KDM4A: variants seen among roughly 807,000 people sequenced by gnomAD.
The protein encoded by KDM4A is lysine-specific demethylase 4A.
KDM4A carries 23 observed loss-of-function variants against 127.1 expected under a neutral mutation model. That is an observed-to-expected ratio of 0.18 (90% CI 0.13 to 0.26). The LOEUF (loss-of-function observed/expected upper bound fraction) is 0.26. KDM4A is among the 10% of genes least tolerant of loss of function. The probability of loss-of-function intolerance (pLI) is 1.00; values close to 1 mark genes in which losing one functional copy is unlikely to be tolerated. For missense variants in KDM4A, 890 were observed against 1,329.1 expected (o/e 0.67, Z 5.14); for synonymous variants, 443 against 466.5 (o/e 0.95, Z 0.65).
At chr1:43,665,886 ACC>A (rs1660490951) in intron 6 of KDM4A, 141 bp downstream of exon 6, 1 of 777,134 alleles carries the variant, frequency 1.3e-6, no homozygotes, top group Admixed American at 2.1e-5. Context: ...CACACTGGTT[ACC>A]TTAAGAGGGC....
chr1:43,668,175 G>A (rs528928895), intron 9 of KDM4A, among the ~76,000 whole-genome samples, 156 bp downstream of exon 9: 3 of 152,250 alleles, frequency 2.0e-5, no homozygotes, highest in African/African-American at 4.8e-5. Context: ...GCCCAGGCTG[G>A]AGTGCAGTGG....
Position 43,694,864 on chromosome 1 carries a change from C to T in KDM4A, c.2640C>T (p.Thr880=), listed in dbSNP as rs1252283678. 1 of 1,601,906 alleles carries T rather than the reference C, an allele frequency of 6.2e-7. No individual in the cohort carries two copies. The highest frequency in any genetic ancestry group is 8.6e-7 in the Non-Finnish European group (1 of 1,169,572). Residue 880 remains threonine, a synonymous_variant, in exon 18 of 22, where the codon ACC becomes ACT. Coordinates refer to ENST00000372396, the MANE Select transcript of KDM4A (RefSeq NM_014663.3). The surrounding 1 kb of genome is among the most constrained non-coding windows in gnomAD (Gnocchi z 5.2). ...ACTGGCCTTTTGTGGTCTTCATTAC[C>T]TGCTTTCGGCACAAGATTCCTAATT... ...PDDWPFVVFI[T]CFRHKIPNLE...
At chr1:43,658,649 G>A (rs1003129179) in intron 3 of KDM4A, among the ~76,000 whole-genome samples, 4 of 150,976 alleles carry the variant, frequency 2.6e-5, no homozygotes, top group African/African-American at 4.9e-5. Context: ...GACTATAGGC[G>A]CCCGCCACAC....
intron 19 of KDM4A, among the ~76,000 whole-genome samples, chr1:43,701,211 G>A (rs1387645236): frequency 2.6e-5 from 4 of 152,060 alleles, no homozygotes; most frequent in Non-Finnish European, 4.4e-5. Flanking sequence ...GAGCCACCAC[G>A]CCCGGCCATA....
chr1:43,691,579 G>A lies in KDM4A; in HGVS notation c.2319+7G>A, dbSNP rs1661111351. 2 of 1,611,682 alleles carry A rather than the reference G, an allele frequency of 1.2e-6. No homozygotes were observed. Among genetic ancestry groups the A allele is most frequent in the East Asian group, 4.5e-5 (2 of 44,850 alleles). ...AGCCAATGCCCTAGAGGAGGTGAGT[G>A]ATCCCACACTGTTACTGTCTTCACC... On this transcript the variant is annotated splice_region_variant and intron_variant, in intron 15 of 21. Coordinates refer to ENST00000372396, the MANE Select transcript of KDM4A (RefSeq NM_014663.3).
rs375969332 is a variant in KDM4A at position 43,697,292 on chromosome 1, A to G, written c.2671-551A>G. On this transcript the variant is annotated intron_variant, in intron 18 of 21. Transcript: ENST00000372396. ...TGTGATCCTGTTTGCATCAAGGGCA[A>G]GTTCAGAATGAGAAGGGCATGGTTG... 2.3e-4 allele frequency among the ~76,000 whole-genome samples: 35 copies of G among 152,366 alleles called. 2 individuals are homozygous for G. In the South Asian group the frequency reaches 7.2e-3, roughly 32 times the overall value.
At chr1:43,686,151 GTTTTTTTTT>G (rs35512755) in intron 12 of KDM4A, among the ~76,000 whole-genome samples, 2 of 97,906 alleles carry the variant, frequency 2.0e-5, no homozygotes, top group Non-Finnish European at 3.8e-5. Context: ...TTTGTTTCTT[GTTTTTTTTT>G]TTTTTTTTTT....
At chr1:43,667,525 CTG>C (rs1660526195) in intron 8 of KDM4A, among the ~76,000 whole-genome samples, 1 of 152,204 alleles carries the variant, frequency 6.6e-6, no homozygotes, top group Non-Finnish European at 1.5e-5. Context: ...TAACCACCCT[CTG>C]TGACCCCGAG....
At chr1:43,673,560 CAG>C (rs1348969875) in intron 11 of KDM4A, among the ~76,000 whole-genome samples, 1 of 152,070 alleles carries the variant, frequency 6.6e-6, no homozygotes, top group Non-Finnish European at 1.5e-5. Flanking sequence ...CTCTGAATCT[CAG>C]GGTACGGTTT....
At position 43,671,821 on chromosome 1, in the gene KDM4A, C is replaced by A; in HGVS notation, c.1680C>A (p.Cys560Ter). 1 of 1,594,432 alleles carries A rather than the reference C, an allele frequency of 6.3e-7. No individual in the cohort carries two copies. The highest frequency in any genetic ancestry group is 1.8e-5 in the Admixed American group (1 of 56,048). Residue 560 changes from cysteine (C) to a stop codon, truncating the protein, a stop_gained, in exon 11 of 22, where the codon TGC becomes TGA. Transcript: ENST00000372396. LOFTEE classifies it high-confidence loss of function. Reference protein sequence around the residue: ...GDGRVTVGEPCTRKKGSAARS... With the variant: ...GDGRVTVGEP ...GCAGGGTCACTGTGGGAGAGCCATG[C>A]ACGAGGAAGAAAGGAAGCGCCGCTA...
intron 12 of KDM4A, among the ~76,000 whole-genome samples, chr1:43,685,577 G>A (rs1660954809): frequency 6.6e-6 from 1 of 151,920 alleles, no homozygotes; most frequent in Admixed American, 6.6e-5. Context: ...GACCATCCTG[G>A]CTAACATGGT....
At chr1:43,657,753 T>C (rs1295271486) in intron 3 of KDM4A, among the ~76,000 whole-genome samples, 26 of 44,208 alleles carry the variant, frequency 5.9e-4, no homozygotes, top group African/African-American at 5.1e-3. Context: ...TTCTTTTCTT[T>C]TTTTTTTTTT....
At chr1:43,659,003 T>C (rs1230994726) in intron 3 of KDM4A, among the ~76,000 whole-genome samples, 1 of 151,892 alleles carries the variant, frequency 6.6e-6, no homozygotes, top group East Asian at 1.9e-4. Context: ...CTAAAGAGTA[T>C]AGATATTTTT....
intron 11 of KDM4A, among the ~76,000 whole-genome samples, chr1:43,673,567 C>CG (rs1392497307): frequency 3.9e-5 from 6 of 151,992 alleles, no homozygotes; most frequent in South Asian, 2.1e-4. Context: ...TCTCAGGGTA[C>CG]GGTTTTGGTA....
At position 43,683,665 on chromosome 1, in the gene KDM4A, T is replaced by C. The variant is rs763746437; in HGVS notation, c.1735-19T>C. ...TCAAGTGGAGACAAGACCAATTTAATTTCTTGTGGTTTGCCCAGGTTGCAG... is the reference window on the plus strand; with the variant it reads ...TCAAGTGGAGACAAGACCAATTTAACTTCTTGTGGTTTGCCCAGGTTGCAG... On this transcript the variant is annotated intron_variant, in intron 11 of 21. Coordinates refer to ENST00000372396, the MANE Select transcript of KDM4A (RefSeq NM_014663.3). 5 of 1,609,102 alleles carry C rather than the reference T, an allele frequency of 3.1e-6. No homozygotes were observed. Among genetic ancestry groups the C allele is most frequent in the African/African-American group, 1.3e-5 (1 of 74,786 alleles).
rs186672960 is a variant in KDM4A, at chr1:43,693,761, G to A, written c.2376-233G>A. Among the ~76,000 whole-genome samples the A allele has an allele frequency of 1.0e-3, 157 of 152,340 alleles. No individual in the cohort carries two copies. Among genetic ancestry groups the A allele is most frequent in the Non-Finnish European group, 2.9e-4 (20 of 68,034 alleles). On this transcript the variant is annotated intron_variant, in intron 16 of 21. Coordinates refer to ENST00000372396, the MANE Select transcript of KDM4A (RefSeq NM_014663.3). The surrounding 1 kb of genome is among the most constrained non-coding windows in gnomAD (Gnocchi z 4.2). ...CAGAGTGGTGTAAGAAGCATGATCC[G>A]GTGCTAACCTAGGGCAGTGGGCAGT...
Position 43,704,416 on chromosome 1 carries a change from C to T in KDM4A, c.*46C>T, listed in dbSNP as rs1216179915. The T allele has an allele frequency of 1.1e-5, 17 of 1,579,330 alleles. No individual in the cohort carries two copies. In the Admixed American group the frequency reaches 3.1e-4, roughly 29 times the overall value. ...ATTCTCAGCCATCCAGGCAAGAGCA[C>T]TCTGGGTTCCACAGCACAGCAGACA... On this transcript the variant is annotated 3_prime_UTR_variant, in exon 22 of 22. Coordinates refer to ENST00000372396, the MANE Select transcript of KDM4A (RefSeq NM_014663.3).
chr1:43,704,133 C>A, intron 21 of KDM4A, 21 bp downstream of exon 21: 1 of 1,611,198 alleles, frequency 6.2e-7, no homozygotes. Context: ...TCTGTGTCCC[C>A]CCAGTTCCTG....
At chr1:43,655,554 T>G (rs757055325) in intron 2 of KDM4A, 37 bp from the exon 3 acceptor site, 1 of 1,557,268 alleles carries the variant, frequency 6.4e-7, no homozygotes, top group Non-Finnish European at 8.7e-7. Context: ...CTTGCCAGGT[T>G]TCTCATCTGT....
Sources: allele counts gnomAD v4.1 joint callset (sites outside exome capture counted in the v4.1 genomes callset), GRCh38; gene constraint gnomAD v4.1.1; non-coding constraint Gnocchi (gnomAD v3.1); transcripts MANE v1.5; gene names NCBI Gene and HGNC (gene_info 2026-07-23, HGNC 2026-07-21).